EVC: variants seen among roughly 807,000 people sequenced by gnomAD.
The protein encoded by EVC is evC complex member EVC.
In EVC, 116 loss-of-function variants were observed where a neutral mutation model predicts 118.9. The observed-to-expected ratio is 0.98, with a 90% CI of 0.84 to 1.14. The LOEUF (loss-of-function observed/expected upper bound fraction) is 1.14. EVC is among the 50% of genes most tolerant of loss of function. The pLI, the probability that EVC is intolerant of heterozygous loss-of-function variation, is 0.00. For missense variants in EVC, 1,401 were observed against 1,246.4 expected (o/e 1.12, Z -1.87); for synonymous variants, 619 against 534.7 (o/e 1.16, Z -2.18).
chr4:5,824,455 C>T, the EVC span: 1 of 985,312 alleles, frequency 1.0e-6, no homozygotes, highest in South Asian at 4.7e-5. Flanking sequence ...GAGGTTCTGC[C>T]ACCACACAAT....
In EVC at chr4:5,737,474, T is replaced by TA. The variant is rs1290148333; in HGVS notation, c.702+4040dup. On this transcript the variant is annotated intron_variant, in intron 5 of 20. Transcript: ENST00000264956. This position sits in a 1 kb window ranked among gnomAD's most constrained non-coding sequence, Gnocchi z 5.0. The stretch of plus-strand genomic sequence containing the variant: ...GAAGAAGATGCCATCTAAGACTTCA[T>TA]AGCTAAAGAGGAGAAGTCAATACCT... 6.6e-6 allele frequency among the ~76,000 whole-genome samples: 1 copy of TA among 152,222 alleles called. No homozygotes were observed. The highest frequency in any genetic ancestry group is 6.5e-5 in the Admixed American group (1 of 15,280).
In EVC at chr4:5,810,978, A is replaced by G; in HGVS notation, c.2920A>G (p.Ser974Gly). ...CAGCAAAAGGCTGAGTCAGCAAGAA[A>G]GTGAAGCTGGGGACAGTGGGAACTC... ...LSSKRLSQQE[S>G]EAGDSGNSKK... Residue 974 changes from serine (S) to glycine (G), a missense_variant, in exon 21 of 21, where the codon AGT (serine) becomes GGT (glycine). Transcript: ENST00000264956. 1 of 1,613,140 alleles carries G rather than the reference A, an allele frequency of 6.2e-7. No individual in the cohort carries two copies. The highest frequency in any genetic ancestry group is 1.1e-5 in the South Asian group (1 of 90,790).
chr4:5,823,701 G>A, the EVC span, among the ~76,000 whole-genome samples: 2 of 152,162 alleles, frequency 1.3e-5, no homozygotes, highest in African/African-American at 2.4e-5. Context: ...GCTCTCCTTC[G>A]CCTTCTGCCA....
At chr4:5,794,858 C>T (rs539376746) in intron 13 of EVC, among the ~76,000 whole-genome samples, 11 of 152,192 alleles carry the variant, frequency 7.2e-5, no homozygotes, top group South Asian at 4.2e-4. Context: ...AGGTAGTGGA[C>T]GCAGCACCCC....
intron 20 of EVC, 77 bp from the exon 21 acceptor site, chr4:5,810,876 C>T: frequency 7.5e-7 from 1 of 1,336,080 alleles, no homozygotes; most frequent in Non-Finnish European, 1.1e-6. Flanking sequence ...TTCATTTAAT[C>T]CGATTGGGTA....
downstream of EVC, among the ~76,000 whole-genome samples, chr4:5,815,714 C>T (rs545445815): frequency 6.6e-6 from 1 of 152,320 alleles, no homozygotes; most frequent in Non-Finnish European, 1.5e-5. Flanking sequence ...TTATTCTCCC[C>T]TAAATGTTTC....
chr4:5,730,364 A>G (rs1376441714), intron 3 of EVC, among the ~76,000 whole-genome samples: 3 of 152,168 alleles, frequency 2.0e-5, no homozygotes, highest in African/African-American at 7.2e-5. Flanking sequence ...TGTTTAACAC[A>G]AGCTTTACCG....
chr4:5,772,929 C>T (rs933416899), intron 11 of EVC, among the ~76,000 whole-genome samples: 1 of 152,110 alleles, frequency 6.6e-6, no homozygotes, highest in Admixed American at 6.5e-5. Context: ...TAGGGGAGCC[C>T]TCCTCTGACC....
At chr4:5,751,255 C>T (rs1730317432) in intron 8 of EVC, among the ~76,000 whole-genome samples, 1 of 152,210 alleles carries the variant, frequency 6.6e-6, no homozygotes, top group Non-Finnish European at 1.5e-5. Context: ...CTGAGCCTGG[C>T]ACTGTTGACT....
Position 5,719,260 on chromosome 4 carries a change from C to CA in EVC, c.191dup (p.Asn64LysfsTer9). On this transcript the variant is annotated frameshift_variant, in exon 2 of 21. Transcript: ENST00000264956. LOFTEE classifies it high-confidence loss of function. The surrounding 1 kb of genome is among the most constrained non-coding windows in gnomAD (Gnocchi z 4.7). ...CTTCGGGTTTTAGAAAGACGACACT[C>CA]AAAATCTGCTCAAGAATTTGGAGTC... 3 of 1,614,146 alleles carry CA rather than the reference C, an allele frequency of 1.9e-6. No homozygotes were observed. Among genetic ancestry groups the CA allele is most frequent in the Non-Finnish European group, 2.5e-6 (3 of 1,180,038 alleles).
chr4:5,719,293 C>G lies in EVC; in HGVS notation c.220C>G (p.Gln74Glu). ...NLLKNLESNA[Q>E]TPSETGSPSR... Reference sequence around the variant, plus strand: ...GCTCAAGAATTTGGAGTCTAATGCGCAGACCCCCTCGGAAACTGGCTCCCC... The same window carrying G: ...GCTCAAGAATTTGGAGTCTAATGCGGAGACCCCCTCGGAAACTGGCTCCCC... Residue 74 changes from glutamine (Q) to glutamate (E), a missense_variant, in exon 2 of 21, where the codon CAG (glutamine) becomes GAG (glutamate). Physicochemically the swap from Gln to Glu is conservative, Grantham distance 29 (BLOSUM62 2). Transcript: ENST00000264956. The surrounding 1 kb of genome is among the most constrained non-coding windows in gnomAD (Gnocchi z 4.7). The G allele has an allele frequency of 6.2e-7, 1 of 1,614,172 alleles. No homozygotes were observed. Among genetic ancestry groups the G allele is most frequent in the Middle Eastern group, 1.7e-4 (1 of 6,060 alleles).
At chr4:5,747,117 CA>C (rs1222998979) in intron 7 of EVC, among the ~76,000 whole-genome samples, 3 of 152,038 alleles carry the variant, frequency 2.0e-5, no homozygotes, top group Non-Finnish European at 4.4e-5. Flanking sequence ...TACTGGGAGG[CA>C]ATGGGGCCCT....
chr4:5,779,793 A>G, intron 11 of EVC, among the ~76,000 whole-genome samples: 2 of 140,034 alleles, frequency 1.4e-5, no homozygotes, highest in African/African-American at 5.6e-5. Flanking sequence ...GCAAACAGGG[A>G]CAATTTGACT....
At chr4:5,747,433 C>T (rs1054116821) in intron 7 of EVC, among the ~76,000 whole-genome samples, 16 of 152,276 alleles carry the variant, frequency 1.1e-4, no homozygotes, top group African/African-American at 3.6e-4. Context: ...ACCTAACTCC[C>T]CCGAGCCTGT....
intron 11 of EVC, among the ~76,000 whole-genome samples, chr4:5,768,597 C>T (rs1733406679): frequency 6.6e-6 from 1 of 152,090 alleles, no homozygotes; most frequent in Non-Finnish European, 1.5e-5. Flanking sequence ...TGGCTCACAC[C>T]TGTGATCCCA....
At chr4:5,821,891 A>G in the EVC span, 5 of 1,470,716 alleles carry the variant, frequency 3.4e-6, no homozygotes, top group Non-Finnish European at 4.5e-6. This position sits in a 1 kb window ranked among gnomAD's most constrained non-coding sequence, Gnocchi z 4.4. Flanking sequence ...GGGATCTGTT[A>G]GCATCAGTTC....
intron 17 of EVC, among the ~76,000 whole-genome samples, chr4:5,806,886 G>A (rs775145726): frequency 5.9e-5 from 9 of 152,200 alleles, no homozygotes; most frequent in Admixed American, 5.9e-4. Context: ...TCTAACTGGG[G>A]TAAGATGATA....
rs1728887817 is a variant in EVC at position 5,743,315 on chromosome 4, AC to A, written c.801+1503del. ...ACAAGTCCTGCCAGTCTCCTACCTC[AC>A]CTTATCCTCACCATCATTGTCATCA... On this transcript the variant is annotated intron_variant, in intron 6 of 20. Coordinates refer to ENST00000264956, the MANE Select transcript of EVC (RefSeq NM_153717.3). This position sits in a 1 kb window ranked among gnomAD's most constrained non-coding sequence, Gnocchi z 4.7. Among the ~76,000 whole-genome samples the A allele has an allele frequency of 6.6e-6, 1 of 152,042 alleles. No homozygotes were observed. Among genetic ancestry groups the A allele is most frequent in the Non-Finnish European group, 1.5e-5 (1 of 68,004 alleles).
downstream of EVC, among the ~76,000 whole-genome samples, chr4:5,815,206 C>A (rs564884095): frequency 6.6e-6 from 1 of 152,058 alleles, no homozygotes; most frequent in East Asian, 1.9e-4. Flanking sequence ...AAGCCCACTC[C>A]CGGGTCTCGG....
Sources: allele counts gnomAD v4.1 joint callset (sites outside exome capture counted in the v4.1 genomes callset), GRCh38; gene constraint gnomAD v4.1.1; non-coding constraint Gnocchi (gnomAD v3.1); transcripts MANE v1.5; gene names NCBI Gene and HGNC (gene_info 2026-07-23, HGNC 2026-07-21).